ZFP64: variants seen among roughly 807,000 people sequenced by gnomAD.
ZFP64 encodes ZFP64 zinc finger protein.
In ZFP64, 14 loss-of-function variants were observed where a neutral mutation model predicts 51.6. The observed-to-expected ratio is 0.27, with a 90% CI of 0.18 to 0.42. The LOEUF (loss-of-function observed/expected upper bound fraction) is 0.42, where lower values mean the gene tolerates loss of function less well. Ranked by LOEUF, ZFP64 falls within the 10% of genes least tolerant of loss-of-function variation. ZFP64 has a pLI of 1.00. For synonymous variants in ZFP64, 375 were observed against 361.4 expected (o/e 1.04, Z -0.43); for missense variants, 754 against 906.8 (o/e 0.83, Z 2.16).
rs117092663 is a variant in ZFP64 at position 52,105,494 on chromosome 20, C to T, written c.764-6907G>A. On this transcript the variant is annotated intron_variant, in intron 5 of 8. Coordinates refer to the ZFP64 transcript ENST00000361387. ...GGAGCTCGTTAGAAATGCAGACTCT[C>T]GGGCTCTACCCCAGACCCGCTGAAT... 6 of 492,380 alleles carry T rather than the reference C, an allele frequency of 1.2e-5. No homozygotes were observed. In the South Asian group the frequency reaches 5.4e-4, roughly 44 times the overall value. The allele number at this position is 492,380 out of a possible 1,614,324, so 30.5% of individuals were successfully genotyped here.
intron 5 of ZFP64, among the ~76,000 whole-genome samples, chr20:52,101,290 G>A (rs1489356931): frequency 6.6e-6 from 1 of 152,158 alleles, no homozygotes; most frequent in Non-Finnish European, 1.5e-5. Context: ...TAGTTTCCCA[G>A]GCCTTACCCT....
chr20:52,091,319 G>C (rs1361902306), intron 7 of ZFP64, among the ~76,000 whole-genome samples: 1 of 152,088 alleles, frequency 6.6e-6, no homozygotes, highest in Non-Finnish European at 1.5e-5. Context: ...GCAACACAGG[G>C]AGAGCTCATC....
At chr20:52,095,296 G>A (rs1215280555) in intron 7 of ZFP64, among the ~76,000 whole-genome samples, 1 of 152,182 alleles carries the variant, frequency 6.6e-6, no homozygotes, top group Non-Finnish European at 1.5e-5. Context: ...CTCGAGTGGT[G>A]TGGCTTTAAG....
intron 5 of ZFP64, among the ~76,000 whole-genome samples, chr20:52,143,103 T>C (rs1189662465): frequency 7.0e-6 from 1 of 143,030 alleles, no homozygotes. Flanking sequence ...CATAATGCTA[T>C]TGTGCCCTGA....
rs60190637 is a variant in ZFP64, at chr20:52,107,462, G to T, written c.764-8875C>A. Among the ~76,000 whole-genome samples the T allele has an allele frequency of 7.9e-3, 1,200 of 151,936 alleles. 24 individuals are homozygous for T. The highest frequency in any genetic ancestry group is 0.027 in the African/African-American group (1,129 of 41,422). On this transcript the variant is annotated intron_variant, in intron 5 of 8. Transcript: ENST00000361387. ...CACAACCTACATCTCTCTTTATATG[G>T]CCTCCTGATGTCCCCTCCCCTCCTC...
At chr20:52,185,726 G>A (rs1983915830) in intron 2 of ZFP64, among the ~76,000 whole-genome samples, 1 of 151,794 alleles carries the variant, frequency 6.6e-6, no homozygotes, top group Non-Finnish European at 1.5e-5. Context: ...GATTACAGGC[G>A]CCTGCCACCA....
At chr20:52,102,701 A>G (rs970756604) in intron 5 of ZFP64, among the ~76,000 whole-genome samples, 7 of 152,186 alleles carry the variant, frequency 4.6e-5, no homozygotes, top group Non-Finnish European at 8.8e-5. Flanking sequence ...AAACCAGCTG[A>G]TAAGTTTCAA....
intron 8 of ZFP64, among the ~76,000 whole-genome samples, chr20:52,087,700 C>T (rs981762900): frequency 6.6e-6 from 1 of 152,192 alleles, no homozygotes; most frequent in Non-Finnish European, 1.5e-5. Context: ...TGGCTAGTCC[C>T]CCAAGCTTTG....
chr20:52,188,170 CCTTTA>C (rs1984106698), intron 1 of ZFP64, among the ~76,000 whole-genome samples: 1 of 152,028 alleles, frequency 6.6e-6, no homozygotes, highest in Non-Finnish European at 1.5e-5. Flanking sequence ...TGGGCTCTGC[CCTTTA>C]CTTCACTGAT....
At chr20:52,148,906 C>T (rs1235808348), downstream of ZFP64, among the ~76,000 whole-genome samples, 1 of 152,172 alleles carries the variant, frequency 6.6e-6, no homozygotes, top group East Asian at 1.9e-4. Context: ...GTGACAGCCC[C>T]ACAGGTAAAG....
rs112806830 is a variant in ZFP64 at position 52,162,353 on chromosome 20, G to A, written c.512-1979C>T. 6.2e-3 allele frequency among the ~76,000 whole-genome samples: 916 copies of A among 148,740 alleles called. 7 individuals carry two copies. The highest frequency in any genetic ancestry group is 9.6e-3 in the Non-Finnish European group (646 of 67,236). ...TATTAAACATTTTAGTAGGCTGGGC[G>A]CGGTAGCTCACATCTGTAATCCCAG... is the stretch of plus-strand genomic sequence containing the variant. On this transcript the variant is annotated intron_variant, in intron 4 of 5. Transcript: ENST00000216923.
At chr20:52,102,009 G>A (rs1207103135) in intron 5 of ZFP64, among the ~76,000 whole-genome samples, 1 of 148,168 alleles carries the variant, frequency 6.7e-6, no homozygotes, top group African/African-American at 2.5e-5. Flanking sequence ...CTACTCAGGA[G>A]ACTGAGGCAG....
chr20:52,134,813 C>T (rs764769728), intron 5 of ZFP64, among the ~76,000 whole-genome samples: 33 of 151,928 alleles, frequency 2.2e-4, no homozygotes, highest in Non-Finnish European at 3.8e-4. Context: ...TTACGGACCA[C>T]TTTTTTTTGT....
Position 52,110,592 on chromosome 20 carries a change from C to T in ZFP64, c.764-12005G>A. On this transcript the variant is annotated intron_variant, in intron 5 of 8. Coordinates refer to the ZFP64 transcript ENST00000361387. ...GGTCCTGCCGCTGCTTCCAGAGGGC[C>T]TAGCGGGCCTCCACGCCAGAGGCCC... The T allele has an allele frequency of 4.1e-6, 3 of 739,796 alleles. No individual in the cohort carries two copies. The South Asian group carries it at 5.0e-5, about 12-fold the overall frequency. The allele number at this position is 739,796 out of a possible 1,614,324, so 45.8% of individuals were successfully genotyped here. A position where few individuals can be genotyped will look rare whatever the true frequency, so the allele number is the denominator to read the frequency against.
intron 2 of ZFP64, among the ~76,000 whole-genome samples, chr20:52,170,880 T>C (rs1982661770): frequency 6.6e-6 from 1 of 152,038 alleles, no homozygotes; most frequent in Non-Finnish European, 1.5e-5. Context: ...ATGCAATAAG[T>C]ATTTAAATAT....
intron 5 of ZFP64, among the ~76,000 whole-genome samples, chr20:52,129,480 C>CT (rs35720148): frequency 6.6e-6 from 1 of 152,008 alleles, no homozygotes; most frequent in East Asian, 1.9e-4. Flanking sequence ...TTTTATTTGC[C>CT]TTTTTCCTTC....
chr20:52,165,504 C>A, intron 3 of ZFP64: 1 of 475,414 alleles, frequency 2.1e-6, no homozygotes, highest in Non-Finnish European at 4.2e-6. Flanking sequence ...ATTTTTGCAA[C>A]TTTTCTGTAC....
intron 5 of ZFP64, among the ~76,000 whole-genome samples, chr20:52,099,771 G>A (rs1412319976): frequency 6.6e-6 from 1 of 152,216 alleles, no homozygotes; most frequent in Non-Finnish European, 1.5e-5. Flanking sequence ...TGCAATTAAT[G>A]GTTGAAGTGG....
chr20:52,177,818 G>C (rs1983341776), intron 2 of ZFP64, among the ~76,000 whole-genome samples: 1 of 152,086 alleles, frequency 6.6e-6, no homozygotes, highest in African/African-American at 2.4e-5. Context: ...AGATCACGAG[G>C]TCAGGAGTTG....
Sources: allele counts gnomAD v4.1 joint callset (sites outside exome capture counted in the v4.1 genomes callset), GRCh38; gene constraint gnomAD v4.1.1; transcripts MANE v1.5; gene names NCBI Gene and HGNC (gene_info 2026-07-23, HGNC 2026-07-21).